CADM2: variants seen among roughly 807,000 people sequenced by gnomAD.
CADM2 encodes the protein immunoglobulin superfamily member 4D.
CADM2 carries 12 observed loss-of-function variants against 49.8 expected under a neutral mutation model. The observed-to-expected ratio is 0.24, with a 90% CI of 0.15 to 0.39. The LOEUF is 0.39. Among genes scored for constraint, CADM2 ranks in the 10% least tolerant of loss-of-function variants. CADM2 has a pLI of 1.00. For missense variants in CADM2, 378 were observed against 492.3 expected (o/e 0.77, Z 2.20); for synonymous variants, 214 against 175.4 (o/e 1.22, Z -1.74).
chr3:85,859,224 C>CTTTTTTTTTTTTTTTTTTTTTTTTTTTT (rs397990427), intron 3 of CADM2, among the ~76,000 whole-genome samples: 1 of 70,596 alleles, frequency 1.4e-5, no homozygotes, highest in Non-Finnish European at 2.5e-5. Context: ...TTTTTTTTGT[C>CTTTTTTTTTTTTTTTTTTTTTTTTTTTT]TTTTTTTTTT....
intron 1 of CADM2, among the ~76,000 whole-genome samples, chr3:85,286,633 A>G (rs1383483253): frequency 2.0e-5 from 3 of 152,146 alleles, no homozygotes; most frequent in African/African-American, 7.2e-5. Context: ...TCTAGATATA[A>G]TTGACCCAAA....
In CADM2 at chr3:85,377,417, T is replaced by C. The variant is rs113813209; in HGVS notation, c.62-349105T>C. ...AACGGAAGTTGATGAGCTTTCTGAT[T>C]TAAATTCATAGGTAATGCTCCAGGA... On this transcript the variant is annotated intron_variant, in intron 1 of 9. Coordinates refer to ENST00000383699, the MANE Select transcript of CADM2 (RefSeq NM_001167675.2). Among the ~76,000 whole-genome samples, 560 of 152,180 alleles carry C rather than the reference T, an allele frequency of 3.7e-3. 1 individual carries two copies. Among genetic ancestry groups the C allele is most frequent in the African/African-American group, 0.012 (491 of 41,566 alleles).
At chr3:85,792,713 CAT>C (rs2071408030) in intron 2 of CADM2, among the ~76,000 whole-genome samples, 1 of 152,238 alleles carries the variant, frequency 6.6e-6, no homozygotes, top group Non-Finnish European at 1.5e-5. Flanking sequence ...CACCACTCAT[CAT>C]CCAATCAAGA....
chr3:85,982,077 G>T (rs1304572588), intron 8 of CADM2, among the ~76,000 whole-genome samples: 1 of 151,588 alleles, frequency 6.6e-6, no homozygotes, highest in Non-Finnish European at 1.5e-5. Flanking sequence ...TTTCATTGCG[G>T]TTTTGATTTG....
chr3:85,933,923 A>G (rs1412638779), intron 6 of CADM2, among the ~76,000 whole-genome samples: 5 of 152,104 alleles, frequency 3.3e-5, no homozygotes, highest in African/African-American at 2.4e-5. Context: ...CTTTCATATC[A>G]TGGAATGCCA....
At chr3:85,994,188 C>T (rs1012210962) in intron 8 of CADM2, 2 of 152,246 alleles carry the variant, frequency 1.3e-5, no homozygotes, top group African/African-American at 2.4e-5. Flanking sequence ...GGATAACATG[C>T]TATAGCTTCT....
At chr3:85,791,366 A>G (rs1216309634) in intron 2 of CADM2, among the ~76,000 whole-genome samples, 1 of 152,150 alleles carries the variant, frequency 6.6e-6, no homozygotes, top group Non-Finnish European at 1.5e-5. Context: ...TCAGTAATTT[A>G]GTGGAAGTAA....
At chr3:85,070,869 G>A (rs888359431) in intron 1 of CADM2, among the ~76,000 whole-genome samples, 1 of 151,832 alleles carries the variant, frequency 6.6e-6, no homozygotes, top group Non-Finnish European at 1.5e-5. Flanking sequence ...CACACTTGTA[G>A]TCTCAGCTAC....
intron 3 of CADM2, among the ~76,000 whole-genome samples, chr3:85,822,389 G>A (rs1316301024): frequency 6.6e-6 from 1 of 152,050 alleles, no homozygotes; most frequent in South Asian, 2.1e-4. Flanking sequence ...TTCAAGACCA[G>A]CCTGGCCAAC....
chr3:84,972,835 C>T (rs1018650864), intron 1 of CADM2, among the ~76,000 whole-genome samples: 11 of 152,168 alleles, frequency 7.2e-5, no homozygotes, highest in African/African-American at 2.7e-4. Flanking sequence ...ATGGAGTTTA[C>T]AGTCTAGTGT....
chr3:85,234,800 A>G (rs2042375616), intron 1 of CADM2, among the ~76,000 whole-genome samples: 1 of 152,158 alleles, frequency 6.6e-6, no homozygotes, highest in Non-Finnish European at 1.5e-5. Flanking sequence ...AATTGCAAAC[A>G]TATTCACAAA....
chr3:86,064,465 T>C (rs923245294), intron 8 of CADM2, among the ~76,000 whole-genome samples: 1 of 152,212 alleles, frequency 6.6e-6, no homozygotes, highest in Admixed American at 6.5e-5. Context: ...TTGTTGGACA[T>C]TTGGGTTGGA....
At chr3:86,032,035 C>G (rs1291351996) in intron 8 of CADM2, among the ~76,000 whole-genome samples, 1 of 151,432 alleles carries the variant, frequency 6.6e-6, no homozygotes, top group African/African-American at 2.4e-5. Flanking sequence ...CAATATTAAC[C>G]AAGATATTTT....
intron 1 of CADM2, among the ~76,000 whole-genome samples, chr3:85,545,163 A>G (rs1400250232): frequency 6.6e-6 from 1 of 152,212 alleles, no homozygotes; most frequent in Non-Finnish European, 1.5e-5. Flanking sequence ...TTGAAGTTGC[A>G]GTTAATCATG....
At chr3:85,562,585 C>T (rs1227297347) in intron 1 of CADM2, among the ~76,000 whole-genome samples, 1 of 151,590 alleles carries the variant, frequency 6.6e-6, no homozygotes, top group African/African-American at 2.4e-5. Context: ...ATTGCTACTT[C>T]CCTTTCTATT....
intron 1 of CADM2, among the ~76,000 whole-genome samples, chr3:84,992,465 C>A (rs1003736240): frequency 1.3e-5 from 2 of 152,018 alleles, no homozygotes; most frequent in African/African-American, 4.8e-5. Context: ...GCTGTCTCTA[C>A]TAAAAATACA....
At chr3:85,821,764 A>G (rs1052479944) in intron 3 of CADM2, among the ~76,000 whole-genome samples, 4 of 152,182 alleles carry the variant, frequency 2.6e-5, no homozygotes, top group Non-Finnish European at 4.4e-5. Context: ...TTCTCTATAT[A>G]TCAAGCACAA....
At chr3:85,488,135 CG>C (rs1167205077) in intron 1 of CADM2, among the ~76,000 whole-genome samples, 1 of 152,044 alleles carries the variant, frequency 6.6e-6, no homozygotes, top group African/African-American at 2.4e-5. Flanking sequence ...TCTGTATTCA[CG>C]TAATGAGGAA....
chr3:85,458,821 A>G (rs2038111540), intron 1 of CADM2, among the ~76,000 whole-genome samples: 1 of 152,186 alleles, frequency 6.6e-6, no homozygotes, highest in Non-Finnish European at 1.5e-5. Flanking sequence ...GAGGAATACA[A>G]CAAATAAAAG....
Sources: gnomAD v4.1 joint callset for allele counts (sites outside exome capture counted in the v4.1 genomes callset) on GRCh38, gnomAD v4.1.1 for gene constraint, MANE v1.5 for transcripts, NCBI Gene and HGNC (gene_info 2026-07-23, HGNC 2026-07-21) for gene names.